Variants in COL22A1 observed in about 807,000 individuals in gnomAD.
COL22A1 encodes collagen type XXII alpha 1 chain, also known as collagen alpha-1(XXII) chain.
COL22A1 carries 221 observed loss-of-function variants against 248.9 expected under a neutral mutation model. The ratio of observed to expected loss-of-function variants is 0.89; its 90% CI spans 0.80 to 0.99. The LOEUF (loss-of-function observed/expected upper bound fraction) is 0.99, where lower values mean the gene tolerates loss of function less well. COL22A1 is among the 50% of genes least tolerant of loss of function. The pLI, the probability that COL22A1 is intolerant of heterozygous loss-of-function variation, is 0.00. For synonymous variants in COL22A1, 891 were observed against 793.4 expected (o/e 1.12, Z -2.07); for missense variants, 2,240 against 2,179.0 (o/e 1.03, Z -0.56).
At chr8:138,715,587 AAAAAAG>A in intron 30 of COL22A1, 89 bp downstream of exon 30, 1 of 791,000 alleles carries the variant, frequency 1.3e-6, no homozygotes, top group Non-Finnish European at 1.9e-6. Flanking sequence ...AAAAAAAAAA[AAAAAAG>A]ATAGAGTATA....
At chr8:138,717,025 C>T (rs768402953) in intron 27 of COL22A1, among the ~76,000 whole-genome samples, 156 bp from the exon 28 acceptor site, 11 of 152,246 alleles carry the variant, frequency 7.2e-5, no homozygotes, top group Non-Finnish European at 1.6e-4. Context: ...GTCATGGGCT[C>T]TGAAGACCAA....
chr8:138,631,502 G>A (rs954789726), intron 49 of COL22A1, among the ~76,000 whole-genome samples: 2 of 152,124 alleles, frequency 1.3e-5, no homozygotes, highest in Non-Finnish European at 1.5e-5. Context: ...TGGACAACTC[G>A]ATTTATCTTC....
chr8:138,676,551 G>C lies in COL22A1; in HGVS notation c.3150+7C>G, dbSNP rs373096936. On this transcript the variant is annotated splice_region_variant and intron_variant, in intron 41 of 64. Coordinates refer to ENST00000303045, the MANE Select transcript of COL22A1 (RefSeq NM_152888.3). ...AGCAAGTAAGAGCTGGATAAATAAA[G>C]ACTTACAGGAGGGCCAGCAACCCCA... 3 of 1,555,430 alleles carry C rather than the reference G, an allele frequency of 1.9e-6. No homozygotes were observed. The highest frequency in any genetic ancestry group is 2.7e-5 in the African/African-American group (2 of 73,708).
chr8:138,759,593 A>G (rs1050574282), intron 18 of COL22A1, among the ~76,000 whole-genome samples: 4 of 152,134 alleles, frequency 2.6e-5, no homozygotes, highest in African/African-American at 9.7e-5. Context: ...GTGACCCTCA[A>G]TGCTTAGGAA....
At chr8:138,634,536 G>C (rs1306167195) in intron 49 of COL22A1, among the ~76,000 whole-genome samples, 2 of 152,048 alleles carry the variant, frequency 1.3e-5, no homozygotes, top group Non-Finnish European at 2.9e-5. Context: ...TGGTGAGAAG[G>C]GCACCAGTCA....
chr8:138,750,043 G>C (rs1832460668), intron 22 of COL22A1, among the ~76,000 whole-genome samples: 1 of 152,070 alleles, frequency 6.6e-6, no homozygotes, highest in Admixed American at 6.6e-5. Context: ...ATGAGCCTCA[G>C]AAGAGCTGAT....
chr8:138,818,028 C>T (rs1309810633), intron 7 of COL22A1, among the ~76,000 whole-genome samples: 9 of 152,336 alleles, frequency 5.9e-5, no homozygotes, highest in Non-Finnish European at 7.3e-5. Flanking sequence ...TAGTCTCCCA[C>T]TACCTCAAAT....
intron 10 of COL22A1, among the ~76,000 whole-genome samples, chr8:138,804,708 G>A (rs1391169183): frequency 2.0e-5 from 3 of 152,050 alleles, no homozygotes; most frequent in South Asian, 2.1e-4. Context: ...GTGTGTGTGA[G>A]AGTGTGATGG....
chr8:138,755,715 G>A, intron 19 of COL22A1, 70 bp downstream of exon 19: 1 of 1,490,824 alleles, frequency 6.7e-7, no homozygotes, highest in Middle Eastern at 1.7e-4. Context: ...TATTCTTAGA[G>A]GTGAAGACTC....
chr8:138,734,675 G>C (rs571171197), intron 23 of COL22A1, among the ~76,000 whole-genome samples: 1 of 152,150 alleles, frequency 6.6e-6, no homozygotes, highest in African/African-American at 2.4e-5. Flanking sequence ...CCATTACTGG[G>C]TATATACCCA....
At chr8:138,882,424 C>T (rs1248809709) in intron 2 of COL22A1, among the ~76,000 whole-genome samples, 2 of 139,424 alleles carry the variant, frequency 1.4e-5, no homozygotes, top group African/African-American at 5.2e-5. Context: ...TCTCACACTC[C>T]CTCACACACT....
chr8:138,728,046 T>G (rs900657760), intron 23 of COL22A1, among the ~76,000 whole-genome samples: 1 of 152,236 alleles, frequency 6.6e-6, no homozygotes, highest in South Asian at 2.1e-4. Context: ...TTGTTTTTGT[T>G]TTTTGAGATA....
intron 15 of COL22A1, chr8:138,778,051 A>G (rs1814634039): frequency 2.1e-6 from 1 of 465,822 alleles, no homozygotes; most frequent in African/African-American, 2.0e-5. Flanking sequence ...TGAATTCTTT[A>G]GATCAAGTGT....
intron 37 of COL22A1, among the ~76,000 whole-genome samples, 193 bp from the exon 38 acceptor site, chr8:138,685,505 C>G (rs529126985): frequency 6.6e-6 from 1 of 152,132 alleles, no homozygotes; most frequent in African/African-American, 2.4e-5. Context: ...CCCCAAAATT[C>G]GTGTCTTGAA....
At chr8:138,811,440 G>T (rs1473642517) in intron 9 of COL22A1, among the ~76,000 whole-genome samples, 2 of 151,696 alleles carry the variant, frequency 1.3e-5, no homozygotes, top group Non-Finnish European at 2.9e-5. Context: ...AAGGAATGAG[G>T]GTGTGTTCTT....
At chr8:138,806,342 G>A (rs57108963) in intron 10 of COL22A1, among the ~76,000 whole-genome samples, 1 of 151,544 alleles carries the variant, frequency 6.6e-6, no homozygotes, top group African/African-American at 2.4e-5. Context: ...GATGGTTTGT[G>A]TGTGTGTCCG....
intron 42 of COL22A1, among the ~76,000 whole-genome samples, chr8:138,663,141 A>G (rs1564162336): frequency 6.6e-6 from 1 of 152,260 alleles, no homozygotes; most frequent in East Asian, 1.9e-4. Context: ...CAATGCAGCT[A>G]TTTCCCCTGG....
intron 3 of COL22A1, among the ~76,000 whole-genome samples, chr8:138,872,944 A>G (rs1823450548): frequency 6.6e-6 from 1 of 152,176 alleles, no homozygotes; most frequent in African/African-American, 2.4e-5. Flanking sequence ...AAATGGGGAT[A>G]TTGATTTTTT....
intron 12 of COL22A1, among the ~76,000 whole-genome samples, chr8:138,796,389 C>CTTTTTTTTTTTTTTTTTTTTTTTTTT (rs11284610): frequency 7.6e-5 from 2 of 26,310 alleles, no homozygotes; most frequent in African/African-American, 1.3e-4. Context: ...TGCTACTTTC[C>CTTTTTTTTTTTTTTTTTTTTTTTTTT]TTTTTTTTTT....
Sources: gnomAD v4.1 joint callset for allele counts (sites outside exome capture counted in the v4.1 genomes callset) on GRCh38, gnomAD v4.1.1 for gene constraint, MANE v1.5 for transcripts, NCBI Gene and HGNC (gene_info 2026-07-23, HGNC 2026-07-21) for gene names.